Variants in GALNTL6 observed in about 807,000 individuals in gnomAD.
GALNTL6 encodes the protein polypeptide N-acetylgalactosaminyltransferase like 6, also known as polypeptide N-acetylgalactosaminyltransferase-like 6.
Under a neutral mutation model 73.7 loss-of-function variants are expected in GALNTL6, and 46 were observed. The observed-to-expected ratio is 0.62, with a 90% confidence interval of 0.49 to 0.80. The LOEUF (loss-of-function observed/expected upper bound fraction) is 0.80. Among genes scored for constraint, GALNTL6 ranks in the 30% least tolerant of loss-of-function variants. GALNTL6 has a pLI of 0.00. For synonymous variants in GALNTL6, 259 were observed against 263.7 expected, an observed-to-expected ratio of 0.98 and a Z score of 0.17; for missense variants, 604 against 755.0, an observed-to-expected ratio of 0.80 and a Z score of 2.34.
In GALNTL6 at chr4:172,206,805, G is replaced by GTTTTTTTT. The variant is rs778156050; in HGVS notation, c.139-22850_139-22843dup. Among the ~76,000 whole-genome samples the GTTTTTTTT allele has an allele frequency of 2.6e-3, 69 of 26,162 alleles. 6 individuals carry two copies. The highest frequency in any genetic ancestry group is 4.7e-3 in the African/African-American group (50 of 10,544). The allele number at this position is 26,162 out of a possible 152,430, so 17.2% of individuals were successfully genotyped here. ...TTGTTTTGTTTTGTTTTGTTTTTCT[G>GTTTTTTTT]TTTTTTTTGTTTGTTTTTTTTTTTT... On this transcript the variant is annotated intron_variant, in intron 2 of 12. Transcript: ENST00000506823.
chr4:172,090,548 G>GT (rs1366858131), intron 2 of GALNTL6, among the ~76,000 whole-genome samples: 3 of 152,006 alleles, frequency 2.0e-5, no homozygotes, highest in African/African-American at 4.8e-5. Context: ...TGATGGGGTT[G>GT]TTTTTTTCTT....
rs1453342819 is a variant in GALNTL6 at position 171,952,811 on chromosome 4, C to T, written c.138+138093C>T. ...CACTATAATCACTTTTTTCAAAATC[C>T]TGTACCTTTGGGTTATAGTGATTTA... is the stretch of plus-strand genomic sequence containing the variant. On this transcript the variant is annotated intron_variant, in intron 2 of 12. Coordinates refer to ENST00000506823, the MANE Select transcript of GALNTL6 (RefSeq NM_001034845.3). Among the ~76,000 whole-genome samples, 3 of 151,882 alleles carry T rather than the reference C, an allele frequency of 2.0e-5. No individual in the cohort carries two copies. In the East Asian group the frequency reaches 5.8e-4, roughly 29 times the overall value.
chr4:172,884,320 G>C (rs1449118600), intron 8 of GALNTL6, among the ~76,000 whole-genome samples: 1 of 152,106 alleles, frequency 6.6e-6, no homozygotes, highest in Non-Finnish European at 1.5e-5. Flanking sequence ...AGTTTAACTT[G>C]GGTAAGATAT....
chr4:171,953,992 A>G lies in GALNTL6; in HGVS notation c.138+139274A>G, dbSNP rs150416478. 4.3e-3 allele frequency among the ~76,000 whole-genome samples: 648 copies of G among 152,304 alleles called. 3 individuals are homozygous for G. The highest frequency in any genetic ancestry group is 0.015 in the African/African-American group (608 of 41,578). ...TAACTGGCATAACAATGTTCAAGAA[A>G]TGATCACTGTCTAGTAAGGTTGATG... On this transcript the variant is annotated intron_variant, in intron 2 of 12. Transcript: ENST00000506823.
At chr4:172,195,511 C>T (rs1207617444) in intron 2 of GALNTL6, among the ~76,000 whole-genome samples, 2 of 152,252 alleles carry the variant, frequency 1.3e-5, no homozygotes, top group Admixed American at 6.5e-5. Flanking sequence ...GGCATTTATT[C>T]TAAAATTGGC....
chr4:172,243,931 A>G (rs751939804), intron 3 of GALNTL6, among the ~76,000 whole-genome samples: 29 of 152,162 alleles, frequency 1.9e-4, no homozygotes, highest in Admixed American at 3.3e-4. Flanking sequence ...TGCTATGGCT[A>G]CAATGGGTTT....
chr4:172,423,662 T>C (rs1731128154), intron 5 of GALNTL6, among the ~76,000 whole-genome samples: 1 of 152,146 alleles, frequency 6.6e-6, no homozygotes, highest in African/African-American at 2.4e-5. Flanking sequence ...ATATCATGTA[T>C]TTACTTACTT....
intron 10 of GALNTL6, among the ~76,000 whole-genome samples, chr4:172,995,222 T>C (rs1248394753): frequency 1.3e-5 from 2 of 152,182 alleles, no homozygotes; most frequent in Admixed American, 6.5e-5. Flanking sequence ...GAATATTAAA[T>C]GTGGAGACAT....
At chr4:171,931,373 G>A (rs1408582856) in intron 2 of GALNTL6, among the ~76,000 whole-genome samples, 1 of 152,128 alleles carries the variant, frequency 6.6e-6, no homozygotes, top group Admixed American at 6.6e-5. Context: ...TATGGGTCTA[G>A]TCCAGCAGAA....
At chr4:172,331,515 G>A (rs143248715) in intron 4 of GALNTL6, among the ~76,000 whole-genome samples, 1 of 152,112 alleles carries the variant, frequency 6.6e-6, no homozygotes, top group Non-Finnish European at 1.5e-5. Flanking sequence ...GAAACTTTAG[G>A]CTGGTTGATT....
At chr4:172,862,109 G>T (rs1744423424) in intron 7 of GALNTL6, among the ~76,000 whole-genome samples, 1 of 152,188 alleles carries the variant, frequency 6.6e-6, no homozygotes, top group Non-Finnish European at 1.5e-5. Flanking sequence ...GACTTGGAGA[G>T]CTCAGAAGAC....
At position 172,731,257 on chromosome 4, in the gene GALNTL6, T is replaced by C. The variant is rs566944928; in HGVS notation, c.554-78104T>C. Among the ~76,000 whole-genome samples the C allele has an allele frequency of 6.6e-5, 10 of 152,346 alleles. No homozygotes were observed. The East Asian group carries it at 1.9e-3, about 29-fold the overall frequency. On this transcript the variant is annotated intron_variant, in intron 5 of 12. Coordinates refer to ENST00000506823, the MANE Select transcript of GALNTL6 (RefSeq NM_001034845.3). ...TTTTGTTTGTTTTGTTAAGGTTTCC[T>C]ATTTCCTGGTGATTCAATCTTGGTA... is the stretch of plus-strand genomic sequence containing the variant.
intron 2 of GALNTL6, among the ~76,000 whole-genome samples, chr4:172,063,269 A>G (rs751202647): frequency 6.6e-6 from 1 of 152,224 alleles, no homozygotes; most frequent in Non-Finnish European, 1.5e-5. Context: ...TAGTTTCTCA[A>G]TATAATCTTT....
chr4:172,877,574 G>A (rs1385399997), intron 7 of GALNTL6, among the ~76,000 whole-genome samples: 2 of 151,798 alleles, frequency 1.3e-5, no homozygotes, highest in Admixed American at 6.6e-5. Flanking sequence ...ATTTAGCTAA[G>A]TTTAGAATAT....
intron 5 of GALNTL6, among the ~76,000 whole-genome samples, chr4:172,349,542 A>G (rs1240320679): frequency 2.0e-5 from 3 of 152,144 alleles, no homozygotes; most frequent in Non-Finnish European, 2.9e-5. Flanking sequence ...TCACAGAAAC[A>G]TCTTTTTTTC....
At chr4:172,088,330 G>A (rs1428561581) in intron 2 of GALNTL6, among the ~76,000 whole-genome samples, 2 of 152,048 alleles carry the variant, frequency 1.3e-5, no homozygotes, top group Non-Finnish European at 2.9e-5. Context: ...AGGGGTGAAG[G>A]TTCACTGAAA....
chr4:172,689,046 A>G (rs564848799), intron 5 of GALNTL6, among the ~76,000 whole-genome samples: 1 of 152,308 alleles, frequency 6.6e-6, no homozygotes, highest in East Asian at 1.9e-4. Flanking sequence ...TGTTTTCCAG[A>G]GAGCCAATTG....
chr4:171,821,043 T>C (rs1231285632), intron 2 of GALNTL6, among the ~76,000 whole-genome samples: 1 of 152,056 alleles, frequency 6.6e-6, no homozygotes, highest in Non-Finnish European at 1.5e-5. Flanking sequence ...TATATTTATT[T>C]ATTTTTCCCC....
intron 5 of GALNTL6, among the ~76,000 whole-genome samples, chr4:172,409,819 G>A (rs1414860450): frequency 1.3e-5 from 2 of 151,974 alleles, no homozygotes; most frequent in East Asian, 1.9e-4. Context: ...TTAATTCAAA[G>A]TGGCCAGGTA....
Sources: allele counts gnomAD v4.1 joint callset (sites outside exome capture counted in the v4.1 genomes callset), GRCh38; gene constraint gnomAD v4.1.1; transcripts MANE v1.5; gene names NCBI Gene and HGNC (gene_info 2026-07-23, HGNC 2026-07-21).